ZNF277: variants seen among roughly 807,000 people sequenced by gnomAD.
ZNF277 encodes the protein nuclear receptor-interacting factor 4.
ZNF277 carries 55 observed loss-of-function variants against 60.7 expected under a neutral mutation model. The ratio of observed to expected loss-of-function variants is 0.91; its 90% CI spans 0.73 to 1.13. The LOEUF is 1.13. ZNF277 is among the 50% of genes most tolerant of loss of function. The pLI, the probability that ZNF277 is intolerant of heterozygous loss-of-function variation, is 0.00. For synonymous variants in ZNF277, 178 were observed against 179.3 expected, an observed-to-expected ratio of 0.99 and a Z score of 0.06; for missense variants, 510 against 523.0, an observed-to-expected ratio of 0.98 and a Z score of 0.24.
At chr7:112,337,525 T>C (rs1308465169) in intron 8 of ZNF277, among the ~76,000 whole-genome samples, 3 of 152,206 alleles carry the variant, frequency 2.0e-5, no homozygotes, top group Non-Finnish European at 1.5e-5. Flanking sequence ...CTGTTCACTA[T>C]GTATATTAAT....
chr7:112,328,780 G>A (rs1277286938), intron 6 of ZNF277, among the ~76,000 whole-genome samples: 1 of 152,146 alleles, frequency 6.6e-6, no homozygotes, highest in Non-Finnish European at 1.5e-5. Flanking sequence ...TGAGGCAGGA[G>A]AATCGCTTGA....
chr7:112,224,733 G>C (rs926968705), intron 1 of ZNF277, among the ~76,000 whole-genome samples: 1 of 152,170 alleles, frequency 6.6e-6, no homozygotes, highest in African/African-American at 2.4e-5. Context: ...GTCAGGAAAA[G>C]GGTTCAGAGG....
At chr7:112,281,007 T>TA (rs1791931627) in intron 1 of ZNF277, among the ~76,000 whole-genome samples, 1 of 152,220 alleles carries the variant, frequency 6.6e-6, no homozygotes, top group South Asian at 2.1e-4. Flanking sequence ...AGACAAATCT[T>TA]ACTGAATTAT....
At position 112,285,433 on chromosome 7, in the gene ZNF277, A is replaced by AT. The variant is rs1172455857; in HGVS notation, c.92-1440_92-1439insT. Among the ~76,000 whole-genome samples, 101 of 132,372 alleles carry AT rather than the reference A, an allele frequency of 7.6e-4. 1 individual carries two copies. Among genetic ancestry groups the AT allele is most frequent in the Non-Finnish European group, 6.1e-5 (4 of 65,294 alleles). 86.8% of individuals were successfully genotyped at this position (132,372 alleles called of 152,430 possible). A position where few individuals can be genotyped will look rare whatever the true frequency, so the allele number is the denominator to read the frequency against. On this transcript the variant is annotated intron_variant, in intron 1 of 11. Coordinates refer to ENST00000361822, the MANE Select transcript of ZNF277 (RefSeq NM_021994.3). ...ATAAAGTAAGAAAAAAAAAATAGGA[A>AT]ATTTTTTTTTTTTTTTTTTGGAATG...
At chr7:112,279,367 T>G (rs1269084711) in intron 1 of ZNF277, among the ~76,000 whole-genome samples, 8 of 152,168 alleles carry the variant, frequency 5.3e-5, no homozygotes, top group Non-Finnish European at 1.2e-4. Flanking sequence ...CACATGTGAT[T>G]TTCTGGGTTT....
intron 4 of ZNF277, among the ~76,000 whole-genome samples, chr7:112,303,419 A>T (rs1349957494): frequency 1.3e-5 from 2 of 152,096 alleles, no homozygotes; most frequent in Non-Finnish European, 2.9e-5. Flanking sequence ...GGAATTTCTT[A>T]TTCCTTTGGG....
At chr7:112,241,993 T>C (rs1790964638) in intron 1 of ZNF277, among the ~76,000 whole-genome samples, 1 of 151,994 alleles carries the variant, frequency 6.6e-6, no homozygotes, top group Admixed American at 6.6e-5. Flanking sequence ...AAAAAATAAA[T>C]AGTATAATTG....
At chr7:112,227,162 T>C (rs1461330658) in intron 1 of ZNF277, among the ~76,000 whole-genome samples, 1 of 152,220 alleles carries the variant, frequency 6.6e-6, no homozygotes, top group African/African-American at 2.4e-5. Flanking sequence ...AAATTAATTA[T>C]AACTTTGTCA....
At chr7:112,231,926 G>A (rs1671157605) in intron 1 of ZNF277, among the ~76,000 whole-genome samples, 1 of 151,486 alleles carries the variant, frequency 6.6e-6, no homozygotes, top group Admixed American at 6.6e-5. Context: ...AGACAAAATA[G>A]TATTTTCTAC....
intron 1 of ZNF277, among the ~76,000 whole-genome samples, chr7:112,234,435 G>A (rs1023657919): frequency 3.3e-5 from 5 of 152,082 alleles, no homozygotes; most frequent in African/African-American, 1.2e-4. Context: ...GCAGCTCTAT[G>A]GGGACTCTTT....
chr7:112,230,049 C>T (rs1442416590), intron 1 of ZNF277, among the ~76,000 whole-genome samples: 2 of 152,144 alleles, frequency 1.3e-5, no homozygotes, highest in African/African-American at 2.4e-5. Context: ...GTGGGCCATG[C>T]GAAAGAACTT....
At chr7:112,267,435 A>G (rs1181128740) in intron 1 of ZNF277, among the ~76,000 whole-genome samples, 1 of 152,188 alleles carries the variant, frequency 6.6e-6, no homozygotes, top group Non-Finnish European at 1.5e-5. Flanking sequence ...AACTTTAGTT[A>G]TCTTACTGAA....
chr7:112,338,552 C>A (rs1242428840), intron 9 of ZNF277, among the ~76,000 whole-genome samples: 1 of 152,028 alleles, frequency 6.6e-6, no homozygotes, highest in African/African-American at 2.4e-5. Context: ...CTGCAGCCAC[C>A]TCTGCCAATA....
chr7:112,321,467 A>G (rs1792982603), intron 5 of ZNF277, among the ~76,000 whole-genome samples: 3 of 152,106 alleles, frequency 2.0e-5, no homozygotes, highest in Admixed American at 1.3e-4. Flanking sequence ...GCTTTATACA[A>G]TTATCTTTCA....
intron 9 of ZNF277, among the ~76,000 whole-genome samples, chr7:112,339,319 ATGT>A (rs1162422546): frequency 6.6e-6 from 1 of 152,168 alleles, no homozygotes; most frequent in Non-Finnish European, 1.5e-5. Flanking sequence ...AGCAATTATA[ATGT>A]TGTTGCTGTT....
In ZNF277 at chr7:112,247,998, G is replaced by A. The variant is rs547786186; in HGVS notation, c.92-38875G>A. ...AAAAAAAAGACTTTATGAGACCTTGGATTTTAAAAGCCTCAAATTAGGCCT... is the reference window on the plus strand; with the variant it reads ...AAAAAAAAGACTTTATGAGACCTTGAATTTTAAAAGCCTCAAATTAGGCCT... On this transcript the variant is annotated intron_variant, in intron 1 of 11. Transcript: ENST00000361822. Among the ~76,000 whole-genome samples, 46 of 151,924 alleles carry A rather than the reference G, an allele frequency of 3.0e-4. No individual in the cohort carries two copies. In the South Asian group the frequency reaches 9.4e-3, roughly 31 times the overall value.
At chr7:112,338,568 C>A (rs1227443994) in intron 9 of ZNF277, among the ~76,000 whole-genome samples, 1 of 152,098 alleles carries the variant, frequency 6.6e-6, no homozygotes, top group African/African-American at 2.4e-5. Context: ...CAATAGTGGA[C>A]CATATTCTCT....
At position 112,206,702 on chromosome 7, in the gene ZNF277, C is replaced by T. The variant is rs1459194213; in HGVS notation, c.-15C>T. 1 of 1,612,656 alleles carries T rather than the reference C, an allele frequency of 6.2e-7. No homozygotes were observed. The highest frequency in any genetic ancestry group is 1.1e-5 in the South Asian group (1 of 90,972). On this transcript the variant is annotated 5_prime_UTR_variant, in exon 1 of 12. Transcript: ENST00000361822. ...GACCCGCCCTGCGGCCCTCCCTTTT[C>T]TTTTCTGCCGGGTAATGGCTGCTTC...
chr7:112,312,752 A>T (rs1012157941), intron 4 of ZNF277, among the ~76,000 whole-genome samples: 2 of 152,092 alleles, frequency 1.3e-5, no homozygotes, highest in Non-Finnish European at 2.9e-5. Context: ...ATAGAAGAGT[A>T]GCAAAGTTTA....
Sources: gnomAD v4.1 joint callset for allele counts (sites outside exome capture counted in the v4.1 genomes callset) on GRCh38, gnomAD v4.1.1 for gene constraint, MANE v1.5 for transcripts, NCBI Gene and HGNC (gene_info 2026-07-23, HGNC 2026-07-21) for gene names.